Variants in PRDM11 observed in about 807,000 individuals in gnomAD.
The protein encoded by PRDM11 is PR/SET domain 11.
In PRDM11, 20 loss-of-function variants were observed where a neutral mutation model predicts 97.8. That is an observed-to-expected ratio of 0.20 (90% CI 0.14 to 0.30). The LOEUF (loss-of-function observed/expected upper bound fraction) is 0.30, where lower values mean the gene tolerates loss of function less well. Ranked by LOEUF, PRDM11 falls within the 10% of genes least tolerant of loss-of-function variation. PRDM11 has a pLI of 1.00. For synonymous variants in PRDM11, 599 were observed against 637.7 expected (o/e 0.94, Z 0.91); for missense variants, 1,139 against 1,555.2 (o/e 0.73, Z 4.50).
At chr11:45,098,561 C>T (rs756330107) in intron 1 of PRDM11, among the ~76,000 whole-genome samples, 9 of 152,176 alleles carry the variant, frequency 5.9e-5, no homozygotes, top group Non-Finnish European at 1.3e-4. Flanking sequence ...CAGGCTCGCA[C>T]AGCTATGAGG....
In PRDM11 at chr11:45,228,205, A is replaced by G. The variant is rs529930644; in HGVS notation, c.*46A>G. 1.1e-4 allele frequency: 149 copies of G among 1,342,240 alleles called. No homozygotes were observed. In the African/African-American group the frequency reaches 1.7e-3, roughly 15 times the overall value. 83.1% of individuals were successfully genotyped at this position (1,342,240 alleles called of 1,614,324 possible). A position where few individuals can be genotyped will look rare whatever the true frequency, so the allele number is the denominator to read the frequency against. On this transcript the variant is annotated 3_prime_UTR_variant, in exon 8 of 8. Transcript: ENST00000683152. ...CACTAAGCTGTTGAATATTTTTTTAATCTATACTCATAAGCTTTGATATAT... is the reference window on the plus strand; with the variant it reads ...CACTAAGCTGTTGAATATTTTTTTAGTCTATACTCATAAGCTTTGATATAT...
chr11:45,210,937 C>T (rs563628675), intron 5 of PRDM11, among the ~76,000 whole-genome samples: 7 of 152,322 alleles, frequency 4.6e-5, no homozygotes, highest in Non-Finnish European at 1.0e-4. Context: ...GCTCCGCTCA[C>T]CCCTCCATCT....
At chr11:45,122,862 T>G (rs921172372) in intron 1 of PRDM11, among the ~76,000 whole-genome samples, 4 of 152,184 alleles carry the variant, frequency 2.6e-5, no homozygotes, top group African/African-American at 9.7e-5. Flanking sequence ...TACCCAGTAA[T>G]GGGATGGCTG....
intron 1 of PRDM11, among the ~76,000 whole-genome samples, chr11:45,166,295 C>T (rs1045970506): frequency 2.6e-5 from 4 of 152,200 alleles, no homozygotes; most frequent in African/African-American, 4.8e-5. Flanking sequence ...GGCTGTGCCC[C>T]TGCCCACAGC....
chr11:45,126,667 C>T (rs1228323400), intron 1 of PRDM11, among the ~76,000 whole-genome samples: 5 of 152,204 alleles, frequency 3.3e-5, no homozygotes, highest in Non-Finnish European at 7.3e-5. Context: ...TATTGGCCCC[C>T]ACTCTCTTCT....
At chr11:45,103,257 C>T (rs1482530770) in intron 1 of PRDM11, among the ~76,000 whole-genome samples, 1 of 152,180 alleles carries the variant, frequency 6.6e-6, no homozygotes, top group Non-Finnish European at 1.5e-5. Context: ...GCCTTGGAGC[C>T]CAACCTGGAC....
intron 1 of PRDM11, among the ~76,000 whole-genome samples, chr11:45,107,131 C>CCT (rs1852075676): frequency 6.6e-6 from 1 of 152,142 alleles, no homozygotes; most frequent in South Asian, 2.1e-4. Flanking sequence ...GGCCCAGGGG[C>CCT]CTCCATAGAG....
chr11:45,139,568 C>A (rs1024074179), intron 1 of PRDM11, among the ~76,000 whole-genome samples: 6 of 91,420 alleles, frequency 6.6e-5, no homozygotes, highest in East Asian at 3.4e-4. Context: ...CTCCAACTCA[C>A]AAAAAAAAAA....
chr11:45,222,251 G>A (rs1342178223), intron 6 of PRDM11, among the ~76,000 whole-genome samples: 8 of 152,178 alleles, frequency 5.3e-5, no homozygotes, highest in Non-Finnish European at 1.0e-4. Context: ...GATGCTTAAA[G>A]GTCTCTTTTG....
Position 45,228,264 on chromosome 11 carries a change from AT to A in PRDM11, c.*107del, listed in dbSNP as rs56393045. 0.22 allele frequency: 35,839 copies of A among 161,510 alleles called. 2,745 individuals carry two copies. Among genetic ancestry groups the A allele is most frequent in the Non-Finnish European group, 0.25 (25,122 of 98,666 alleles). The allele number at this position is 161,510 out of a possible 1,614,324, so 10.0% of individuals were successfully genotyped here. On this transcript the variant is annotated 3_prime_UTR_variant, in exon 8 of 8. Transcript: ENST00000683152. ...TATATATTATATTATATTATATTAT[AT>A]TATATATATATATATATATAAACTC...
upstream of PRDM11, among the ~76,000 whole-genome samples, chr11:45,146,134 G>A (rs190804278): frequency 9.2e-5 from 14 of 152,220 alleles, no homozygotes; most frequent in Admixed American, 6.5e-4. Context: ...CTCAGCCTTC[G>A]CGGGACGCCT....
intron 1 of PRDM11, among the ~76,000 whole-genome samples, chr11:45,141,130 T>G (rs1342338129): frequency 2.0e-5 from 3 of 152,340 alleles, no homozygotes; most frequent in East Asian, 1.9e-4. Flanking sequence ...CCTTTGCCTA[T>G]TCTCCTGGCT....
At chr11:45,224,947 G>A (rs1160659967) in intron 7 of PRDM11, 104 bp downstream of exon 7, 2 of 1,586,220 alleles carry the variant, frequency 1.3e-6, no homozygotes, top group African/African-American at 2.7e-5. Context: ...CGGGAGACCT[G>A]AGGAGTGTAA....
intron 1 of PRDM11, among the ~76,000 whole-genome samples, chr11:45,101,567 A>AAAAAAAAGAAG (rs767802218): frequency 2.1e-4 from 20 of 96,860 alleles, no homozygotes; most frequent in African/African-American, 9.7e-4. Context: ...AAAAAAAAAA[A>AAAAAAAAGAAG]AAGAAGAAGA....
intron 5 of PRDM11, among the ~76,000 whole-genome samples, chr11:45,205,008 G>A (rs1744959047): frequency 6.6e-6 from 1 of 152,206 alleles, no homozygotes; most frequent in Admixed American, 6.5e-5. Flanking sequence ...GACCGCTCGG[G>A]CTGCTCACTT....
rs1266197862 is a variant in PRDM11, at chr11:45,226,567, C to T, written c.1942C>T (p.Leu648=). ...HHIARALRED[L]VERIRQSPCL... ...CATCGCCCGGGCCCTGCGGGAAGAC[C>T]TGGTGGAGCGCATCCGCCAGTCACC... The change falls in exon 8 of 8, where the codon CTG becomes TTG. Residue 648 remains leucine (L), a synonymous_variant. Coordinates refer to ENST00000683152, the MANE Select transcript of PRDM11 (RefSeq NM_001384648.1). 1.3e-6 allele frequency: 2 copies of T among 1,533,982 alleles called. No individual in the cohort carries two copies. Among genetic ancestry groups the T allele is most frequent in the Admixed American group, 2.0e-5 (1 of 51,000 alleles).
At chr11:45,141,029 G>A (rs1177801780) in intron 1 of PRDM11, among the ~76,000 whole-genome samples, 2 of 152,140 alleles carry the variant, frequency 1.3e-5, no homozygotes, top group African/African-American at 2.4e-5. Context: ...TCCAATCAGT[G>A]ATTTCAACCT....
intron 1 of PRDM11, among the ~76,000 whole-genome samples, chr11:45,155,877 A>G (rs933446966): frequency 2.6e-5 from 4 of 152,110 alleles, no homozygotes; most frequent in African/African-American, 9.7e-5. Context: ...AGCCGAGCCC[A>G]AATGAGTGTG....
intron 1 of PRDM11, among the ~76,000 whole-genome samples, chr11:45,130,383 A>G (rs1565245943): frequency 2.0e-5 from 3 of 152,206 alleles, no homozygotes; most frequent in African/African-American, 7.2e-5. Context: ...ACAAAAAACA[A>G]TTAAACTTTG....
Sources: gnomAD v4.1 joint callset for allele counts (sites outside exome capture counted in the v4.1 genomes callset) on GRCh38, gnomAD v4.1.1 for gene constraint, MANE v1.5 for transcripts, NCBI Gene and HGNC (gene_info 2026-07-23, HGNC 2026-07-21) for gene names.